The following LPP variants were observed in gnomAD, a reference collection of about 807,000 sequenced individuals.
LPP encodes the protein lipoma-preferred partner.
A neutral mutation model predicts 60.4 loss-of-function variants in LPP; 38 were observed. That is an observed-to-expected ratio of 0.63 (90% CI 0.49 to 0.83). The LOEUF is 0.83. Ranked by LOEUF, LPP falls within the 40% of genes least tolerant of loss-of-function variation. LPP has a pLI of 0.00. For missense variants in LPP, 902 were observed against 783.6 expected, an observed-to-expected ratio of 1.15 and a Z score of -1.80; for synonymous variants, 328 against 290.8, an observed-to-expected ratio of 1.13 and a Z score of -1.30.
chr3:188,170,443 G>A (rs1721270410), intron 1 of LPP, among the ~76,000 whole-genome samples: 1 of 150,330 alleles, frequency 6.7e-6, no homozygotes, highest in African/African-American at 2.5e-5. Flanking sequence ...CAATTCCACT[G>A]CCTCAGCCTC....
chr3:188,874,551 G>T lies in LPP; in HGVS notation c.*72G>T, dbSNP rs1578104608. The T allele has an allele frequency of 1.3e-6, 2 of 1,529,398 alleles. No homozygotes were observed. The highest frequency in any genetic ancestry group is 4.5e-5 in the East Asian group (2 of 43,998). The allele number at this position is 1,529,398 out of a possible 1,614,324, so 94.7% of individuals were successfully genotyped here. A position where few individuals can be genotyped will look rare whatever the true frequency, so the allele number is the denominator to read the frequency against. ...AAAGATAAGAAATACTAGAGTAAAG[G>T]CCATCAAACTACGCGATAGTCTCTG... On this transcript the variant is annotated 3_prime_UTR_variant, in exon 12 of 12. Coordinates refer to ENST00000617246, the MANE Select transcript of LPP (RefSeq NM_001375462.1).
At chr3:188,863,050 G>A (rs1437522880) in intron 9 of LPP, among the ~76,000 whole-genome samples, 1 of 152,194 alleles carries the variant, frequency 6.6e-6, no homozygotes, top group East Asian at 1.9e-4. Flanking sequence ...CAGTGGAGGT[G>A]CATAGTAAAG....
In LPP at chr3:188,888,704, C is replaced by G. The variant is rs982260452; in HGVS notation, c.*14225C>G. 4.5e-6 allele frequency: 1 copy of G among 221,388 alleles called. No homozygotes were observed. Among genetic ancestry groups the G allele is most frequent in the Non-Finnish European group, 9.0e-6 (1 of 110,666 alleles). The allele number at this position is 221,388 out of a possible 1,614,324, so 13.7% of individuals were successfully genotyped here. On this transcript the variant is annotated 3_prime_UTR_variant, in exon 12 of 12. Coordinates refer to ENST00000617246, the MANE Select transcript of LPP (RefSeq NM_001375462.1). Reference sequence around the variant, plus strand: ...ACCCAGAGTCGTACTGTGCAGCCTTCAAAAACATACCATCAGAAAGAGTAG... The same window carrying G: ...ACCCAGAGTCGTACTGTGCAGCCTTGAAAAACATACCATCAGAAAGAGTAG...
At chr3:188,331,568 C>G (rs1760086231) in intron 2 of LPP, among the ~76,000 whole-genome samples, 1 of 152,204 alleles carries the variant, frequency 6.6e-6, no homozygotes, top group South Asian at 2.1e-4. Flanking sequence ...TCAAAGATAG[C>G]TCTAATTCCC....
intron 9 of LPP, 129 bp downstream of exon 9, chr3:188,760,411 T>TGG (rs1731840260): frequency 3.7e-6 from 2 of 535,998 alleles, no homozygotes; most frequent in African/African-American, 4.1e-5. Context: ...GTGTGTGGGG[T>TGG]GTGTGTGTGT....
At chr3:188,303,280 C>T (rs1287525839) in intron 2 of LPP, among the ~76,000 whole-genome samples, 3 of 152,208 alleles carry the variant, frequency 2.0e-5, no homozygotes, top group South Asian at 2.1e-4. Flanking sequence ...CAAAAACATG[C>T]AGTAGGCTGG....
At chr3:188,819,764 G>A (rs1037297476) in intron 9 of LPP, among the ~76,000 whole-genome samples, 31 of 152,124 alleles carry the variant, frequency 2.0e-4, no homozygotes, top group African/African-American at 7.5e-4. Context: ...GAATGTGAAG[G>A]AACTAAGACA....
At chr3:188,752,675 T>C (rs1728482812) in intron 8 of LPP, among the ~76,000 whole-genome samples, 1 of 152,196 alleles carries the variant, frequency 6.6e-6, no homozygotes, top group South Asian at 2.1e-4. Flanking sequence ...CCCAACTTTC[T>C]GCCCCTCTCC....
At chr3:188,762,186 G>T (rs1732589239) in intron 9 of LPP, among the ~76,000 whole-genome samples, 1 of 152,158 alleles carries the variant, frequency 6.6e-6, no homozygotes, top group Admixed American at 6.6e-5. Flanking sequence ...GGAAGAACAT[G>T]AATTTGAATT....
intron 1 of LPP, chr3:188,179,755 C>A: frequency 3.0e-6 from 1 of 330,720 alleles, no homozygotes; most frequent in Admixed American, 4.4e-5. Flanking sequence ...AGTTAGCTTG[C>A]AGCAGCTTCC....
At chr3:188,426,934 G>T (rs1373205836) in intron 4 of LPP, among the ~76,000 whole-genome samples, 1 of 152,102 alleles carries the variant, frequency 6.6e-6, no homozygotes, top group Non-Finnish European at 1.5e-5. Flanking sequence ...TTTAACTGGG[G>T]CCTTTAGCCT....
At chr3:188,657,642 T>C (rs1394705406) in intron 7 of LPP, among the ~76,000 whole-genome samples, 6 of 152,108 alleles carry the variant, frequency 3.9e-5, no homozygotes, top group African/African-American at 9.7e-5. Context: ...TCTAGTCTTT[T>C]TACCCCATAT....
chr3:188,240,324 T>A (rs1723716912), intron 2 of LPP, among the ~76,000 whole-genome samples: 2 of 150,864 alleles, frequency 1.3e-5, no homozygotes, highest in South Asian at 2.1e-4. Context: ...TGCATAAGAG[T>A]CAGGAGTTTT....
chr3:188,771,928 C>T (rs1736178781), intron 9 of LPP, among the ~76,000 whole-genome samples: 1 of 152,154 alleles, frequency 6.6e-6, no homozygotes, highest in Non-Finnish European at 1.5e-5. Context: ...TCAGCGGTCA[C>T]CTGCTTTGTA....
intron 9 of LPP, among the ~76,000 whole-genome samples, chr3:188,835,877 A>G (rs1435499860): frequency 2.0e-5 from 3 of 152,234 alleles, no homozygotes; most frequent in Non-Finnish European, 4.4e-5. Flanking sequence ...ATATGTAAAG[A>G]AACAGTAGTT....
intron 2 of LPP, among the ~76,000 whole-genome samples, chr3:188,317,914 G>A (rs990308451): frequency 2.8e-4 from 43 of 152,226 alleles, no homozygotes; most frequent in African/African-American, 1.0e-3. Context: ...ATGTGATCGT[G>A]GAGTACCGAT....
rs564487450 is a variant in LPP at position 188,756,844 on chromosome 3, A to C, written c.1241-3269A>C. On this transcript the variant is annotated intron_variant, in intron 8 of 11. Coordinates refer to ENST00000617246, the MANE Select transcript of LPP (RefSeq NM_001375462.1). ...TGAGTCCAGCATATTAGGCTGACCC[A>C]CTCTAGAGGAATATTCTCCAAAGCA... Among the ~76,000 whole-genome samples, 29 of 152,274 alleles carry C rather than the reference A, an allele frequency of 1.9e-4. 5 individuals carry two copies. Among genetic ancestry groups the C allele is most frequent in the African/African-American group, 7.0e-4 (29 of 41,544 alleles).
Position 188,884,354 on chromosome 3 carries a change from C to A in LPP, c.*9875C>A, listed in dbSNP as rs1436842026. 4.3e-6 allele frequency: 1 copy of A among 230,674 alleles called. No homozygotes were observed. Among genetic ancestry groups the A allele is most frequent in the Non-Finnish European group, 8.6e-6 (1 of 116,452 alleles). 14.3% of individuals were successfully genotyped at this position (230,674 alleles called of 1,614,324 possible). ...ACAATATCGACTTCTTACAGACTAC[C>A]AAGCCCCCAGTCATCCAGGGAAATT... On this transcript the variant is annotated 3_prime_UTR_variant, in exon 12 of 12. Transcript: ENST00000617246.
intron 2 of LPP, among the ~76,000 whole-genome samples, chr3:188,250,776 T>TTCTTTCTTTCTG: frequency 8.2e-6 from 1 of 121,844 alleles, no homozygotes; most frequent in Middle Eastern, 3.9e-3. Context: ...CTTTCTTTCT[T>TTCTTTCTTTCTG]TCTTTCTTTC....
Sources: gnomAD v4.1 joint callset for allele counts (sites outside exome capture counted in the v4.1 genomes callset) on GRCh38, gnomAD v4.1.1 for gene constraint, MANE v1.5 for transcripts, NCBI Gene and HGNC (gene_info 2026-07-23, HGNC 2026-07-21) for gene names.